The following ARHGAP8 variants were observed in gnomAD, a reference collection of about 807,000 sequenced individuals.
The protein encoded by ARHGAP8 is Rho GTPase activating protein 8, also known as rho GTPase-activating protein 8.
ARHGAP8 carries 62 observed loss-of-function variants against 46.1 expected under a neutral mutation model. That is an observed-to-expected ratio of 1.34 (90% CI 1.10 to 1.66). The LOEUF (loss-of-function observed/expected upper bound fraction) is 1.66. ARHGAP8 is among the 40% of genes most tolerant of loss of function. The probability of loss-of-function intolerance (pLI) is 0.00; values close to 1 mark genes in which losing one functional copy is unlikely to be tolerated. For missense variants in ARHGAP8, 923 were observed against 568.4 expected, an observed-to-expected ratio of 1.62 and a Z score of -6.34; for synonymous variants, 375 against 243.1, an observed-to-expected ratio of 1.54 and a Z score of -5.05.
In ARHGAP8 at chr22:44,774,423, T is replaced by A. The variant is rs545490181; in HGVS notation, c.-71-12034T>A. 5.3e-5 allele frequency among the ~76,000 whole-genome samples: 8 copies of A among 152,012 alleles called. No homozygotes were observed. In the East Asian group the frequency reaches 1.5e-3, roughly 29 times the overall value. ...AATATAAGTTATCCAATCAACAACATCAACAAAAAAATGCCTTTATAATTA... is the reference window on the plus strand; with the variant it reads ...AATATAAGTTATCCAATCAACAACAACAACAAAAAAATGCCTTTATAATTA... On this transcript the variant is annotated intron_variant, in intron 1 of 11. Transcript: ENST00000356099.
intron 10 of ARHGAP8, among the ~76,000 whole-genome samples, chr22:44,854,608 A>G (rs2070177304): frequency 6.6e-6 from 1 of 151,980 alleles, no homozygotes; most frequent in Non-Finnish European, 1.5e-5. Flanking sequence ...TATACTTAAT[A>G]TGGGTAACTC....
Position 44,862,773 on chromosome 22 carries a change from G to C in ARHGAP8, c.*178G>C, listed in dbSNP as rs531508657. ...GTCCATGGTTCCTGAGCTGTGGACC[G>C]GGATAGAATAATGCATTTGTTAGGA... On this transcript the variant is annotated 3_prime_UTR_variant, in exon 12 of 12. Transcript: ENST00000356099. The C allele has an allele frequency of 2.8e-6, 2 of 720,788 alleles. No individual in the cohort carries two copies. Among genetic ancestry groups the C allele is most frequent in the East Asian group, 2.8e-5 (1 of 35,868 alleles). The allele number at this position is 720,788 out of a possible 1,614,324, so 44.6% of individuals were successfully genotyped here. A position where few individuals can be genotyped will look rare whatever the true frequency, so the allele number is the denominator to read the frequency against.
chr22:44,757,573 G>A (rs1400553111), intron 1 of ARHGAP8, among the ~76,000 whole-genome samples: 3 of 152,152 alleles, frequency 2.0e-5, no homozygotes. Context: ...CACCATGCCT[G>A]GCCCTTTGAT....
intron 5 of ARHGAP8, among the ~76,000 whole-genome samples, chr22:44,821,412 G>A (rs1930135997): frequency 7.5e-6 from 1 of 133,230 alleles, no homozygotes. Context: ...CTGGGTGACA[G>A]AGCGAGACTC....
chr22:44,854,051 A>T (rs898593599), intron 10 of ARHGAP8, among the ~76,000 whole-genome samples: 36 of 132,170 alleles, frequency 2.7e-4, no homozygotes, highest in Non-Finnish European at 5.0e-4. Flanking sequence ...AAAAAAAAAA[A>T]AAAAAAAAAA....
intron 1 of ARHGAP8, among the ~76,000 whole-genome samples, chr22:44,767,866 C>T (rs1231210489): frequency 7.5e-6 from 1 of 132,800 alleles, no homozygotes; most frequent in Admixed American, 8.3e-5. Context: ...GAGTGAGACC[C>T]CATCTCAAAA....
chr22:44,826,628 T>C (rs1324255658), intron 7 of ARHGAP8, among the ~76,000 whole-genome samples: 2 of 152,150 alleles, frequency 1.3e-5, no homozygotes, highest in African/African-American at 4.8e-5. Context: ...GGTTTGGCCA[T>C]GTTGCCTGGC....
rs374688147 is a variant in ARHGAP8 at position 44,859,717 on chromosome 22, C to T, written c.878-14C>T. The T allele has an allele frequency of 1.9e-6, 3 of 1,612,566 alleles. No individual in the cohort carries two copies. Among genetic ancestry groups the T allele is most frequent in the Non-Finnish European group, 1.7e-6 (2 of 1,179,918 alleles). Reference sequence around the variant, plus strand: ...CCCCTCTGGAGCTCAGCAGGGAGCCCCATGCCCTTCCAGGTGTGGAGAGCA... The same window carrying T: ...CCCCTCTGGAGCTCAGCAGGGAGCCTCATGCCCTTCCAGGTGTGGAGAGCA... On this transcript the variant is annotated splice_polypyrimidine_tract_variant and intron_variant, in intron 10 of 11. Coordinates refer to ENST00000356099, the MANE Select transcript of ARHGAP8 (RefSeq NM_181335.3).
At chr22:44,797,830 CAG>C (rs1928202720) in intron 2 of ARHGAP8, among the ~76,000 whole-genome samples, 1 of 152,090 alleles carries the variant, frequency 6.6e-6, no homozygotes, top group Non-Finnish European at 1.5e-5. Flanking sequence ...TTTCAAGAGA[CAG>C]GGTCTCACTC....
At chr22:44,845,671 G>T (rs1193321767) in intron 8 of ARHGAP8, among the ~76,000 whole-genome samples, 2 of 152,176 alleles carry the variant, frequency 1.3e-5, no homozygotes, top group African/African-American at 4.8e-5. Context: ...AAGCACTTCG[G>T]GCAGTGCTGG....
At chr22:44,810,793 C>A (rs1250242230) in intron 4 of ARHGAP8, among the ~76,000 whole-genome samples, 1 of 151,954 alleles carries the variant, frequency 6.6e-6, no homozygotes, top group Non-Finnish European at 1.5e-5. Flanking sequence ...CTGTAGGGTT[C>A]CCGTGGGGAG....
At chr22:44,763,553 G>T in intron 1 of ARHGAP8, among the ~76,000 whole-genome samples, 1 of 148,028 alleles carries the variant, frequency 6.8e-6, no homozygotes, top group Admixed American at 6.8e-5. Context: ...CTGTCATACA[G>T]ATGTAAAAAT....
At chr22:44,787,942 C>T (rs201776513) in intron 2 of ARHGAP8, among the ~76,000 whole-genome samples, 22,773 of 77,680 alleles carry the variant, frequency 0.29, 2,052 homozygotes, top group Non-Finnish European at 0.37. Context: ...TTTTTTTTTC[C>T]CCCCAAATGT....
Position 44,848,028 on chromosome 22 carries a change from G to T in ARHGAP8, c.726G>T (p.Glu242Asp). ...RRSASVQTVR[E>D]IQRLYNQGKP... ...CCGCCAGCGTGCAGACCGTCCGCGAGATCCAGAGGCTCTACAACCAAGGTG... is the reference window on the plus strand; with the variant it reads ...CCGCCAGCGTGCAGACCGTCCGCGATATCCAGAGGCTCTACAACCAAGGTG... Residue 242 changes from glutamate (E) to aspartate (D), a missense_variant, in exon 9 of 12, where the codon GAG becomes GAT. Glu to Asp is a conservative substitution (Grantham distance 45, BLOSUM62 2). Transcript: ENST00000356099. The T allele has an allele frequency of 6.2e-7, 1 of 1,607,576 alleles. No individual in the cohort carries two copies. Among genetic ancestry groups the T allele is most frequent in the Non-Finnish European group, 8.5e-7 (1 of 1,179,954 alleles).
At chr22:44,822,059 G>C (rs893120458) in intron 5 of ARHGAP8, among the ~76,000 whole-genome samples, 1 of 152,210 alleles carries the variant, frequency 6.6e-6, no homozygotes, top group Non-Finnish European at 1.5e-5. Context: ...CCCCAAAAGC[G>C]CTTCTTGGCA....
chr22:44,839,689 G>A (rs1004532499), intron 7 of ARHGAP8, among the ~76,000 whole-genome samples: 2 of 152,194 alleles, frequency 1.3e-5, no homozygotes, highest in Non-Finnish European at 2.9e-5. Context: ...GTGGAAATGA[G>A]GCAGACGATA....
At chr22:44,767,249 A>C (rs1294405635) in intron 1 of ARHGAP8, among the ~76,000 whole-genome samples, 1 of 152,074 alleles carries the variant, frequency 6.6e-6, no homozygotes, top group Non-Finnish European at 1.5e-5. Context: ...GACTACAGAA[A>C]CATTTCAGAA....
intron 6 of ARHGAP8, 144 bp from the exon 7 acceptor site, chr22:44,825,339 G>A (rs191987242): frequency 5.2e-5 from 38 of 732,624 alleles, no homozygotes; most frequent in African/African-American, 5.0e-4. Flanking sequence ...GTGAGTGTGT[G>A]TGTGAGCTGG....
At chr22:44,784,706 C>A (rs1053930104) in intron 1 of ARHGAP8, among the ~76,000 whole-genome samples, 1 of 152,194 alleles carries the variant, frequency 6.6e-6, no homozygotes, top group Admixed American at 6.5e-5. Flanking sequence ...TGCAGAATCG[C>A]TTTTGCCACA....
Sources: allele counts gnomAD v4.1 joint callset (sites outside exome capture counted in the v4.1 genomes callset), GRCh38; gene constraint gnomAD v4.1.1; transcripts MANE v1.5; gene names NCBI Gene and HGNC (gene_info 2026-07-23, HGNC 2026-07-21).